The following EXOC8 variants were observed in gnomAD, a reference collection of about 807,000 sequenced individuals.
The protein encoded by EXOC8 is exocyst complex component 8.
In EXOC8, 19 loss-of-function variants were observed where a neutral mutation model predicts 50.8. The ratio of observed to expected loss-of-function variants is 0.37; its 90% CI spans 0.26 to 0.55. The LOEUF (loss-of-function observed/expected upper bound fraction) is 0.55, where lower values mean the gene tolerates loss of function less well. EXOC8 is among the 20% of genes least tolerant of loss of function. EXOC8 has a pLI of 0.80. For synonymous variants in EXOC8, 384 were observed against 367.9 expected (o/e 1.04, Z -0.50); for missense variants, 781 against 915.8 (o/e 0.85, Z 1.90).
rs990753020 is a variant in EXOC8, at chr1:231,335,290, G to C, written c.*278C>G. ...TTTTATCAAAGGATAAAACCGAAAT[G>C]CTATAGTATATAGTGTGACCATAAT... On this transcript the variant is annotated 3_prime_UTR_variant, in exon 1 of 1. Transcript: ENST00000366645. The C allele has an allele frequency of 4.5e-6, 1 of 221,356 alleles. No individual in the cohort carries two copies. Among genetic ancestry groups the C allele is most frequent in the African/African-American group, 2.3e-5 (1 of 43,770 alleles). 13.7% of individuals were successfully genotyped at this position (221,356 alleles called of 1,614,324 possible). A position where few individuals can be genotyped will look rare whatever the true frequency, so the allele number is the denominator to read the frequency against.
Position 231,336,688 on chromosome 1 carries a change from A to C in EXOC8, c.1058T>G (p.Phe353Cys). 1 of 1,614,182 alleles carries C rather than the reference A, an allele frequency of 6.2e-7. No homozygotes were observed. Among genetic ancestry groups the C allele is most frequent in the Non-Finnish European group, 8.5e-7 (1 of 1,180,030 alleles). ...ATCCAGCAGGTCAACCGCCCCTTCA[A>C]AGTCTCTCTGCGCAATGCAGACATC... is the stretch of plus-strand genomic sequence containing the variant. ...DLDVCIAQRD[F>C]EGAVDLLDKL... Residue 353 changes from phenylalanine (F) to cysteine (C), a missense_variant, in exon 1 of 1, where the codon TTT (phenylalanine) becomes TGT (cysteine). Around this residue, in one of 3 missense-constraint regions of EXOC8, gnomAD observed 700 missense variants for 804.1 expected, o/e 0.87. Coordinates refer to ENST00000366645, the MANE Select transcript of EXOC8 (RefSeq NM_175876.5). This position sits in a 1 kb window ranked among gnomAD's most constrained non-coding sequence, Gnocchi z 5.4.
Position 231,337,440 on chromosome 1 carries a change from C to G in EXOC8, c.306G>C (p.Pro102=). 2.5e-6 allele frequency: 4 copies of G among 1,610,384 alleles called. No homozygotes were observed. Among genetic ancestry groups the G allele is most frequent in the Non-Finnish European group, 3.4e-6 (4 of 1,179,894 alleles). ...CAGCAGCGGCAGGCAGCAACGTAAG[C>G]GGGATGCTCTCCAGGCTGCTTTTCT... is the stretch of plus-strand genomic sequence containing the variant. ...TEQKSSLESI[P]LTLLPAAAAA... The change falls in exon 1 of 1, where the codon CCG becomes CCC. Residue 102 remains proline (P), a synonymous_variant. Transcript: ENST00000366645. This position sits in a 1 kb window ranked among gnomAD's most constrained non-coding sequence, Gnocchi z 5.9.
Position 231,336,168 on chromosome 1 carries a change from C to T in EXOC8, c.1578G>A (p.Lys526=). The part of the protein sequence containing the change: ...STAAECVKVA[K]EHCQQLGDIG... ...TATCACCCAGTTGCTGGCAATGCTCCTTAGCCACTTTTACACACTCAGCTG... is the reference window on the plus strand; with the variant it reads ...TATCACCCAGTTGCTGGCAATGCTCTTTAGCCACTTTTACACACTCAGCTG... The change falls in exon 1 of 1, where the codon AAG becomes AAA. Residue 526 remains lysine, a synonymous_variant. Transcript: ENST00000366645. The surrounding 1 kb of genome is among the most constrained non-coding windows in gnomAD (Gnocchi z 5.4). 6.2e-7 allele frequency: 1 copy of T among 1,614,178 alleles called. No individual in the cohort carries two copies. The highest frequency in any genetic ancestry group is 1.1e-5 in the South Asian group (1 of 91,080).
Position 231,333,203 on chromosome 1 carries a change from A to G in EXOC8, c.*2365T>C, listed in dbSNP as rs1686599493. 6.6e-6 allele frequency: 1 copy of G among 152,208 alleles called. No homozygotes were observed. Among genetic ancestry groups the G allele is most frequent in the Non-Finnish European group, 1.5e-5 (1 of 68,030 alleles). The allele number at this position is 152,208 out of a possible 1,614,324, so 9.4% of individuals were successfully genotyped here. ...TTAGAACTTGTCTTGGGTCTAATAA[A>G]ACAGAAGAATTAGAGAAGAAAGCCC... is the stretch of plus-strand genomic sequence containing the variant. On this transcript the variant is annotated 3_prime_UTR_variant, in exon 1 of 1. Transcript: ENST00000366645.
chr1:231,336,597 C>T lies in EXOC8; in HGVS notation c.1149G>A (p.Val383=), dbSNP rs1340296901. Residue 383 remains valine (V), a synonymous_variant, in exon 1 of 1, where the codon GTG becomes GTA. Coordinates refer to ENST00000366645, the MANE Select transcript of EXOC8 (RefSeq NM_175876.5). This position sits in a 1 kb window ranked among gnomAD's most constrained non-coding sequence, Gnocchi z 5.4. ...CAGTGAGCTGTCGAACTCGCTCCTC[C>T]ACTTTGGCCCTTAGTTCTTTTACAG... The part of the protein sequence containing the change: ...PPPVKELRAK[V]EERVRQLTEV... 13 of 1,614,040 alleles carry T rather than the reference C, an allele frequency of 8.1e-6. No homozygotes were observed. The highest frequency in any genetic ancestry group is 1.1e-5 in the Non-Finnish European group (13 of 1,180,040).
rs1281440994 is a variant in EXOC8 at position 231,333,497 on chromosome 1, T to A, written c.*2071A>T. On this transcript the variant is annotated 3_prime_UTR_variant, in exon 1 of 1. Coordinates refer to ENST00000366645, the MANE Select transcript of EXOC8 (RefSeq NM_175876.5). ...TACAACTTCATGCCTTATGAGGAATTTTGATTTCAGAAGTATCATTCCACA... is the reference window on the plus strand; with the variant it reads ...TACAACTTCATGCCTTATGAGGAATATTGATTTCAGAAGTATCATTCCACA... 6.5e-6 allele frequency: 1 copy of A among 152,682 alleles called. No individual in the cohort carries two copies. Among genetic ancestry groups the A allele is most frequent in the East Asian group, 1.9e-4 (1 of 5,206 alleles). The allele number at this position is 152,682 out of a possible 1,614,324, so 9.5% of individuals were successfully genotyped here.
At position 231,335,526 on chromosome 1, in the gene EXOC8, GCT is replaced by G. The variant is rs201213618; in HGVS notation, c.*40_*41del. On this transcript the variant is annotated 3_prime_UTR_variant, in exon 1 of 1. Transcript: ENST00000366645. Reference sequence around the variant, plus strand: ...TAATATAAATATAAATAATATATAAGCTCTCTCTCTGCATATATACACATATA... The same window carrying G: ...TAATATAAATATAAATAATATATAAGCTCTCTCTGCATATATACACATATA... 1.0e-5 allele frequency: 15 copies of G among 1,443,078 alleles called. 1 individual carries two copies. The highest frequency in any genetic ancestry group is 1.4e-5 in the Non-Finnish European group (15 of 1,093,738). The allele number at this position is 1,443,078 out of a possible 1,614,324, so 89.4% of individuals were successfully genotyped here. A position where few individuals can be genotyped will look rare whatever the true frequency, so the allele number is the denominator to read the frequency against.
Position 231,333,640 on chromosome 1 carries a change from CAA to C in EXOC8, c.*1926_*1927del, listed in dbSNP as rs753124565. 1 of 152,512 alleles carries C rather than the reference CAA, an allele frequency of 6.6e-6. No homozygotes were observed. The highest frequency in any genetic ancestry group is 2.4e-5 in the African/African-American group (1 of 41,398). The allele number at this position is 152,512 out of a possible 1,614,324, so 9.4% of individuals were successfully genotyped here. On this transcript the variant is annotated 3_prime_UTR_variant, in exon 1 of 1. Coordinates refer to ENST00000366645, the MANE Select transcript of EXOC8 (RefSeq NM_175876.5). ...TCAATTTCCAGTGATCTTAAAAAGACAAATTATAACCGCCTTTGCTCAGCTAA... is the reference window on the plus strand; with the variant it reads ...TCAATTTCCAGTGATCTTAAAAAGACATTATAACCGCCTTTGCTCAGCTAA...
chr1:231,336,873 C>T lies in EXOC8; in HGVS notation c.873G>A (p.Glu291=). Residue 291 remains glutamate (E), a synonymous_variant, in exon 1 of 1, where the codon GAG becomes GAA. Transcript: ENST00000366645. The surrounding 1 kb of genome is among the most constrained non-coding windows in gnomAD (Gnocchi z 5.4). Reference sequence around the variant, plus strand: ...CTCGAGGGGCCGCTGCCTCCTCCTGCTCCCTTCGCCTTTTCTCACTGAGGG... The same window carrying T: ...CTCGAGGGGCCGCTGCCTCCTCCTGTTCCCTTCGCCTTTTCTCACTGAGGG... The part of the protein sequence containing the change: ...KRALSEKRRR[E]QEEAAAPRGP... 6.2e-7 allele frequency: 1 copy of T among 1,614,190 alleles called. No homozygotes were observed. Among genetic ancestry groups the T allele is most frequent in the Non-Finnish European group, 8.5e-7 (1 of 1,180,036 alleles).
rs941756703 is a variant in EXOC8 at position 231,335,764 on chromosome 1, C to T, written c.1982G>A (p.Ser661Asn). The T allele has an allele frequency of 9.9e-6, 16 of 1,614,064 alleles. No individual in the cohort carries two copies. Among genetic ancestry groups the T allele is most frequent in the Non-Finnish European group, 1.3e-5 (15 of 1,180,028 alleles). ...CTCTGGATCCTGCTCACATCGAAGA[C>T]TATAATCCACATGCTGAACAGCAAC... The part of the protein sequence containing the change: ...ILVAVQHVDY[S>N]LRCEQDPEKK... Residue 661 changes from serine (S) to asparagine (N), a missense_variant, in exon 1 of 1, where the codon AGT becomes AAT. Coordinates refer to ENST00000366645, the MANE Select transcript of EXOC8 (RefSeq NM_175876.5).
rs1686602737 is a variant in EXOC8 at position 231,333,372 on chromosome 1, G to C, written c.*2196C>G. On this transcript the variant is annotated 3_prime_UTR_variant, in exon 1 of 1. Coordinates refer to ENST00000366645, the MANE Select transcript of EXOC8 (RefSeq NM_175876.5). Reference sequence around the variant, plus strand: ...GCTACAACTGTAATTGGAACACACAGATTTTACCTGAAGAAAATCCTGTAC... The same window carrying C: ...GCTACAACTGTAATTGGAACACACACATTTTACCTGAAGAAAATCCTGTAC... The C allele has an allele frequency of 1.3e-5, 2 of 152,252 alleles. No individual in the cohort carries two copies. Among genetic ancestry groups the C allele is most frequent in the South Asian group, 4.1e-4 (2 of 4,832 alleles). The allele number at this position is 152,252 out of a possible 1,614,324, so 9.4% of individuals were successfully genotyped here.
At position 231,337,805 on chromosome 1, in the gene EXOC8, T is replaced by C. The variant is rs2102856745; in HGVS notation, c.-60A>G. On this transcript the variant is annotated 5_prime_UTR_variant, in exon 1 of 1. Transcript: ENST00000366645. The surrounding 1 kb of genome is among the most constrained non-coding windows in gnomAD (Gnocchi z 5.9). ...CGGCGCCGCAGCCGCCGCGGCTGTC[T>C]AGACCCACCCAAGGCCAACCGAGCT... is the stretch of plus-strand genomic sequence containing the variant. 1.3e-6 allele frequency: 2 copies of C among 1,527,060 alleles called. No homozygotes were observed. Among genetic ancestry groups the C allele is most frequent in the Non-Finnish European group, 1.8e-6 (2 of 1,139,554 alleles). 94.6% of individuals were successfully genotyped at this position (1,527,060 alleles called of 1,614,324 possible). A position where few individuals can be genotyped will look rare whatever the true frequency, so the allele number is the denominator to read the frequency against.
Position 231,337,611 on chromosome 1 carries a change from C to T in EXOC8, c.135G>A (p.Arg45=). 1.2e-6 allele frequency: 2 copies of T among 1,612,146 alleles called. No individual in the cohort carries two copies. The highest frequency in any genetic ancestry group is 8.5e-7 in the Non-Finnish European group (1 of 1,179,986). The part of the protein sequence containing the change: ...SDGDRDLQEH[R]QRIQALAEET... ...CCTCCGCCAGCGCCTGGATGCGCTGCCGGTGCTCCTGGAGGTCCCGGTCCC... is the reference window on the plus strand; with the variant it reads ...CCTCCGCCAGCGCCTGGATGCGCTGTCGGTGCTCCTGGAGGTCCCGGTCCC... The change falls in exon 1 of 1, where the codon CGG becomes CGA. Residue 45 remains arginine (R), a synonymous_variant. Transcript: ENST00000366645. The surrounding 1 kb of genome is among the most constrained non-coding windows in gnomAD (Gnocchi z 5.9).
At position 231,337,099 on chromosome 1, in the gene EXOC8, G is replaced by A. The variant is rs1178547943; in HGVS notation, c.647C>T (p.Thr216Ile). 5.0e-6 allele frequency: 8 copies of A among 1,614,084 alleles called. No homozygotes were observed. Among genetic ancestry groups the A allele is most frequent in the Non-Finnish European group, 6.8e-6 (8 of 1,180,038 alleles). ...CATCCCACGCCGCTGAGGCAGCCAG[G>A]TAGCCACCAACAAGCAATCGTTCAT... Reference protein sequence around the residue: ...FLMNDCLLVATWLPQRRGMYR... With the variant: ...FLMNDCLLVAIWLPQRRGMYR... Residue 216 changes from threonine (T) to isoleucine (I), a missense_variant, in exon 1 of 1, where the codon ACC (threonine) becomes ATC (isoleucine). Physicochemically the swap from Thr to Ile is moderately conservative, Grantham distance 89 (BLOSUM62 -1). Coordinates refer to ENST00000366645, the MANE Select transcript of EXOC8 (RefSeq NM_175876.5). The surrounding 1 kb of genome is among the most constrained non-coding windows in gnomAD (Gnocchi z 5.9).
At position 231,336,757 on chromosome 1, in the gene EXOC8, ACCT is replaced by A. The variant is rs1413948436; in HGVS notation, c.986_988del (p.Lys329_Val330delinsMet). ...CTGGATCCATTCCATGGAGAGGTCC[ACCT>A]TCTCTTCCTCTACCTCAGGAACAGC... On this transcript the variant is annotated inframe_deletion, in exon 1 of 1. Coordinates refer to ENST00000366645, the MANE Select transcript of EXOC8 (RefSeq NM_175876.5). This position sits in a 1 kb window ranked among gnomAD's most constrained non-coding sequence, Gnocchi z 5.4. 6.2e-7 allele frequency: 1 copy of A among 1,614,068 alleles called. No homozygotes were observed. Among genetic ancestry groups the A allele is most frequent in the Non-Finnish European group, 8.5e-7 (1 of 1,180,032 alleles).
chr1:231,337,635 C>T lies in EXOC8; in HGVS notation c.111G>A (p.Gly37=). ...GCCGGTGCTCCTGGAGGTCCCGGTC[C>T]CCATCCGACTGCTGCGAGAGCTGCT... ...YVKQLSQQSD[G]DRDLQEHRQR... Residue 37 remains glycine (G), a synonymous_variant, in exon 1 of 1, where the codon GGG becomes GGA. Transcript: ENST00000366645. The surrounding 1 kb of genome is among the most constrained non-coding windows in gnomAD (Gnocchi z 5.9). 2 of 1,610,968 alleles carry T rather than the reference C, an allele frequency of 1.2e-6. No homozygotes were observed. Among genetic ancestry groups the T allele is most frequent in the Non-Finnish European group, 8.5e-7 (1 of 1,179,974 alleles).
In EXOC8 at chr1:231,335,488, T is replaced by C. The variant is rs1376485458; in HGVS notation, c.*80A>G. 15 of 1,253,642 alleles carry C rather than the reference T, an allele frequency of 1.2e-5. 1 individual carries two copies. Among genetic ancestry groups the C allele is most frequent in the Middle Eastern group, 3.0e-4 (1 of 3,304 alleles). The allele number at this position is 1,253,642 out of a possible 1,614,324, so 77.7% of individuals were successfully genotyped here. A position where few individuals can be genotyped will look rare whatever the true frequency, so the allele number is the denominator to read the frequency against. On this transcript the variant is annotated 3_prime_UTR_variant, in exon 1 of 1. Transcript: ENST00000366645. ...AAGTTGTGTTTGAAACTATAGAGTA[T>C]GCTAATACAACTTAATATAAATATA...
In EXOC8 at chr1:231,336,112, G is replaced by T. The variant is rs1317473294; in HGVS notation, c.1634C>A (p.Ala545Asp). ...CCCTTGGATGTCTTTCACCAGAAGGGCATGGATGATGAAGGTGAGATCCAG... is the reference window on the plus strand; with the variant it reads ...CCCTTGGATGTCTTTCACCAGAAGGTCATGGATGATGAAGGTGAGATCCAG... ...IGLDLTFIIH[A>D]LLVKDIQGAL... is the part of the protein sequence containing the mutation. Residue 545 changes from alanine (A) to aspartate (D), a missense_variant, in exon 1 of 1, where the codon GCC (alanine) becomes GAC (aspartate). Transcript: ENST00000366645. This position sits in a 1 kb window ranked among gnomAD's most constrained non-coding sequence, Gnocchi z 5.4. The T allele has an allele frequency of 6.2e-7, 1 of 1,614,202 alleles. No individual in the cohort carries two copies. The highest frequency in any genetic ancestry group is 8.5e-7 in the Non-Finnish European group (1 of 1,180,044).
rs1686712257 is a variant in EXOC8, at chr1:231,337,597, G to C, written c.149C>G (p.Ala50Gly). The C allele has an allele frequency of 6.2e-7, 1 of 1,612,308 alleles. No homozygotes were observed. Among genetic ancestry groups the C allele is most frequent in the African/African-American group, 1.3e-5 (1 of 74,872 alleles). The change falls in exon 1 of 1, where the codon GCG (alanine) becomes GGG (glycine). Residue 50 changes from alanine (A) to glycine (G), a missense_variant. Coordinates refer to ENST00000366645, the MANE Select transcript of EXOC8 (RefSeq NM_175876.5). This position sits in a 1 kb window ranked among gnomAD's most constrained non-coding sequence, Gnocchi z 5.9. ...DLQEHRQRIQALAEETAQNLK... is the reference protein window; with the variant it reads ...DLQEHRQRIQGLAEETAQNLK... ...GTTCTGCGCCGTCTCCTCCGCCAGC[G>C]CCTGGATGCGCTGCCGGTGCTCCTG... is the stretch of plus-strand genomic sequence containing the variant.
Sources: allele counts gnomAD v4.1 joint callset, GRCh38; gene constraint gnomAD v4.1.1; regional missense constraint gnomAD v4.1.1; non-coding constraint Gnocchi (gnomAD v3.1); transcripts MANE v1.5; gene names NCBI Gene and HGNC (gene_info 2026-07-23, HGNC 2026-07-21).